The following MUC17 variants were observed in gnomAD, a reference collection of about 807,000 sequenced individuals.
MUC17 encodes mucin-17.
In MUC17, 190 loss-of-function variants were observed where a neutral mutation model predicts 170.3. That is an observed-to-expected ratio of 1.12 (90% CI 0.99 to 1.26). The LOEUF (loss-of-function observed/expected upper bound fraction) is 1.26. MUC17 is among the 50% of genes most tolerant of loss of function. The pLI, the probability that MUC17 is intolerant of heterozygous loss-of-function variation, is 0.00. For synonymous variants in MUC17, 2,325 were observed against 2,002.5 expected, an observed-to-expected ratio of 1.16 and a Z score of -4.30; for missense variants, 6,415 against 5,530.0, an observed-to-expected ratio of 1.16 and a Z score of -5.08.
chr7:101,026,914 C>G (rs1021205822), intron 1 of MUC17, among the ~76,000 whole-genome samples: 3 of 152,232 alleles, frequency 2.0e-5, no homozygotes, highest in Middle Eastern at 6.8e-3. Context: ...CGAGGTCTTG[C>G]TATGTTTCTG....
chr7:101,048,431 T>TA (rs113181867), intron 4 of MUC17, among the ~76,000 whole-genome samples: 272 of 143,904 alleles, frequency 1.9e-3, no homozygotes, highest in East Asian at 5.9e-3. Flanking sequence ...TTTATTTATT[T>TA]AAAAAAAAAA....
Position 101,040,011 on chromosome 7 carries a change from T to C in MUC17, c.8595T>C (p.Ser2865=). The stretch of plus-strand genomic sequence containing the variant: ...TCGTCGTGCCAATCTCAACTGCTAG[T>C]GAAGGAAGTACTCTATTAACAAGTA... ...EGIVVPISTA[S]EGSTLLTSIP... is the part of the protein sequence containing the mutation. Residue 2865 remains serine (S), a synonymous_variant, in exon 3 of 13, where the codon AGT becomes AGC. Transcript: ENST00000306151. 5 of 1,612,770 alleles carry C rather than the reference T, an allele frequency of 3.1e-6. No individual in the cohort carries two copies. Among genetic ancestry groups the C allele is most frequent in the Non-Finnish European group, 4.2e-6 (5 of 1,179,654 alleles).
At position 101,041,492 on chromosome 7, in the gene MUC17, C is replaced by A. The variant is rs781212954; in HGVS notation, c.10076C>A (p.Thr3359Asn). The A allele has an allele frequency of 8.1e-6, 13 of 1,613,588 alleles. No homozygotes were observed. Among genetic ancestry groups the A allele is most frequent in the African/African-American group, 1.3e-5 (1 of 74,766 alleles). The change falls in exon 3 of 13, where the codon ACC (threonine) becomes AAC (asparagine). Residue 3359 changes from threonine to asparagine, a missense_variant. Thr to Asn is a moderately conservative substitution (Grantham distance 65). Coordinates refer to ENST00000306151, the MANE Select transcript of MUC17 (RefSeq NM_001040105.2). The part of the protein sequence containing the change: ...TTPVVSSEAS[T>N]LSTTPVDTST... ...CCAGTGGTCAGTTCTGAGGCTAGCA[C>A]CCTTTCCACAACTCCTGTTGACACC...
At position 101,041,846 on chromosome 7, in the gene MUC17, C is replaced by A. The variant is rs747120717; in HGVS notation, c.10430C>A (p.Thr3477Asn). Reference sequence around the variant, plus strand: ...CCGGTGGCCAGTTCTGAGGCTAGCACCCTTTCAACAACTCCTGTTGACACC... The same window carrying A: ...CCGGTGGCCAGTTCTGAGGCTAGCAACCTTTCAACAACTCCTGTTGACACC... ...TTPVASSEASTLSTTPVDTST... is the reference protein window; with the variant it reads ...TTPVASSEASNLSTTPVDTST... The change falls in exon 3 of 13, where the codon ACC (threonine) becomes AAC (asparagine). Residue 3477 changes from threonine to asparagine, a missense_variant. Physicochemically the swap from Thr to Asn is moderately conservative, Grantham distance 65 (BLOSUM62 0). Transcript: ENST00000306151. 1 of 1,614,060 alleles carries A rather than the reference C, an allele frequency of 6.2e-7. No individual in the cohort carries two copies. The highest frequency in any genetic ancestry group is 8.5e-7 in the Non-Finnish European group (1 of 1,179,974).
intron 1 of MUC17, among the ~76,000 whole-genome samples, chr7:101,029,465 GTTGA>G (rs747193760): frequency 2.0e-5 from 3 of 152,032 alleles, no homozygotes; most frequent in African/African-American, 4.8e-5. Flanking sequence ...GTTTCCATAG[GTTGA>G]TTATTTTTCT....
chr7:101,035,458 C>T lies in MUC17; in HGVS notation c.4042C>T (p.Leu1348=). 1 of 1,602,084 alleles carries T rather than the reference C, an allele frequency of 6.2e-7. No individual in the cohort carries two copies. The highest frequency in any genetic ancestry group is 8.5e-7 in the Non-Finnish European group (1 of 1,172,342). ...AACAAGTATACCTGTCAACACCACA[C>T]TGGTGGCCAGTTCTGCAATCAGCAT... ...PLTSIPVNTT[L]VASSAISILS... is the part of the protein sequence containing the mutation. Residue 1348 remains leucine, a synonymous_variant, in exon 3 of 13, where the codon CTG becomes TTG. Transcript: ENST00000306151.
intron 9 of MUC17, 65 bp downstream of exon 9, chr7:101,052,027 C>A: frequency 6.5e-7 from 1 of 1,547,716 alleles, no homozygotes; most frequent in Non-Finnish European, 8.8e-7. Context: ...CCCTGCAGGG[C>A]TTCACCCCAG....
At position 101,035,492 on chromosome 7, in the gene MUC17, C is replaced by T. The variant is rs149773793; in HGVS notation, c.4076C>T (p.Thr1359Ile). ...VASSAISILS[T>I]TPVDNSTPVT... is the part of the protein sequence containing the mutation. ...AGTTCTGCAATCAGCATCCTTTCAACAACTCCTGTTGACAACAGCACACCT... is the reference window on the plus strand; with the variant it reads ...AGTTCTGCAATCAGCATCCTTTCAATAACTCCTGTTGACAACAGCACACCT... Residue 1359 changes from threonine to isoleucine, a missense_variant, in exon 3 of 13, where the codon ACA becomes ATA. By Grantham distance (89) the Thr-to-Ile change is moderately conservative. Coordinates refer to ENST00000306151, the MANE Select transcript of MUC17 (RefSeq NM_001040105.2). The T allele has an allele frequency of 1.7e-4, 275 of 1,602,534 alleles. No individual in the cohort carries two copies. Among genetic ancestry groups the T allele is most frequent in the South Asian group, 1.3e-3 (117 of 90,382 alleles).
At chr7:101,048,358 C>T (rs554029256) in intron 4 of MUC17, 101 of 286,918 alleles carry the variant, frequency 3.5e-4, no homozygotes, top group Non-Finnish European at 6.1e-4. Context: ...CTTTGGGAGC[C>T]TGAGGCAGGA....
intron 10 of MUC17, 72 bp from the exon 11 acceptor site, chr7:101,053,267 A>T: frequency 6.3e-7 from 1 of 1,584,558 alleles, no homozygotes; most frequent in South Asian, 1.1e-5. Context: ...AAAAATGGGG[A>T]TACAGCTTGT....
Position 101,038,864 on chromosome 7 carries a change from C to A in MUC17, c.7448C>A (p.Thr2483Asn), listed in dbSNP as rs771455936. 6.2e-7 allele frequency: 1 copy of A among 1,612,936 alleles called. No individual in the cohort carries two copies. Among genetic ancestry groups the A allele is most frequent in the Non-Finnish European group, 8.5e-7 (1 of 1,179,528 alleles). Residue 2483 changes from threonine (T) to asparagine (N), a missense_variant, in exon 3 of 13, where the codon ACC becomes AAC. Physicochemically the swap from Thr to Asn is moderately conservative, Grantham distance 65. Coordinates refer to ENST00000306151, the MANE Select transcript of MUC17 (RefSeq NM_001040105.2). ...AGTLSTTPVD[T>N]STPMTTSTEA... ...ACCCTTTCCACAACTCCTGTTGACACCAGCACACCTATGACCACTTCTACT... is the reference window on the plus strand; with the variant it reads ...ACCCTTTCCACAACTCCTGTTGACAACAGCACACCTATGACCACTTCTACT...
At chr7:101,046,853 G>A (rs970333455) in intron 3 of MUC17, among the ~76,000 whole-genome samples, 13 of 152,072 alleles carry the variant, frequency 8.5e-5, no homozygotes, top group African/African-American at 3.1e-4. Context: ...GCTGAGGTGG[G>A]TGGATCACAA....
rs767983502 is a variant in MUC17, at chr7:101,034,871, C to A, written c.3455C>A (p.Thr1152Asn). ...PTTAEGTSIP[T>N]SPPSEGTTPL... ...ACTGCTGAAGGTACCAGCATACCAACCTCACCTCCCAGTGAAGGAACCACT... is the reference window on the plus strand; with the variant it reads ...ACTGCTGAAGGTACCAGCATACCAAACTCACCTCCCAGTGAAGGAACCACT... The change falls in exon 3 of 13, where the codon ACC becomes AAC. Residue 1152 changes from threonine (T) to asparagine (N), a missense_variant. Physicochemically the swap from Thr to Asn is moderately conservative, Grantham distance 65. Coordinates refer to ENST00000306151, the MANE Select transcript of MUC17 (RefSeq NM_001040105.2). 3 of 1,613,204 alleles carry A rather than the reference C, an allele frequency of 1.9e-6. No homozygotes were observed. Among genetic ancestry groups the A allele is most frequent in the South Asian group, 2.2e-5 (2 of 91,000 alleles).
At chr7:101,026,359 A>G (rs1324959914) in intron 1 of MUC17, among the ~76,000 whole-genome samples, 1 of 152,200 alleles carries the variant, frequency 6.6e-6, no homozygotes, top group Non-Finnish European at 1.5e-5. Context: ...TATGGAATCC[A>G]TGAAGCCTCG....
Position 101,034,931 on chromosome 7 carries a change from T to C in MUC17, c.3515T>C (p.Val1172Ala), listed in dbSNP as rs2116420478. ...LASMPVSTTL[V>A]VSSEANTLST... Reference sequence around the variant, plus strand: ...AGTATGCCTGTCAGCACCACGCTGGTGGTCAGTTCTGAGGCTAACACCCTT... The same window carrying C: ...AGTATGCCTGTCAGCACCACGCTGGCGGTCAGTTCTGAGGCTAACACCCTT... Residue 1172 changes from valine (V) to alanine (A), a missense_variant, in exon 3 of 13, where the codon GTG becomes GCG. Physicochemically the swap from Val to Ala is moderately conservative, Grantham distance 64. Transcript: ENST00000306151. The C allele has an allele frequency of 3.1e-6, 5 of 1,614,128 alleles. No homozygotes were observed. Among genetic ancestry groups the C allele is most frequent in the East Asian group, 2.2e-5 (1 of 44,866 alleles).
chr7:101,055,379 G>A (rs1562825648), intron 11 of MUC17, among the ~76,000 whole-genome samples: 3 of 152,044 alleles, frequency 2.0e-5, no homozygotes, highest in Non-Finnish European at 4.4e-5. Flanking sequence ...CTGTTGTTTT[G>A]TGTATAGCTG....
chr7:101,032,666 C>T lies in MUC17; in HGVS notation c.1250C>T (p.Pro417Leu). 6.4e-7 allele frequency: 1 copy of T among 1,574,776 alleles called. No homozygotes were observed. The highest frequency in any genetic ancestry group is 8.7e-7 in the Non-Finnish European group (1 of 1,153,298). Residue 417 changes from proline (P) to leucine (L), a missense_variant, in exon 3 of 13, where the codon CCT becomes CTT. Physicochemically the swap from Pro to Leu is moderately conservative, Grantham distance 98 (BLOSUM62 -3). Coordinates refer to ENST00000306151, the MANE Select transcript of MUC17 (RefSeq NM_001040105.2). ...SSEASTTSTIPVDSKTFVTTA... is the reference protein window; with the variant it reads ...SSEASTTSTILVDSKTFVTTA... ...GAGGCTAGCACCACTTCAACAATTC[C>T]TGTTGACTCCAAAACTTTTGTGACC...
rs144607125 is a variant in MUC17 at position 101,038,210 on chromosome 7, A to C, written c.6794A>C (p.Glu2265Ala). The change falls in exon 3 of 13, where the codon GAA (glutamate) becomes GCA (alanine). Residue 2265 changes from glutamate (E) to alanine (A), a missense_variant. Coordinates refer to ENST00000306151, the MANE Select transcript of MUC17 (RefSeq NM_001040105.2). ...TEATSSPTTA[E>A]GTSIPTSTLS... The stretch of plus-strand genomic sequence containing the variant: ...GCCACTTCATCTCCTACAACTGCTG[A>C]AGGTACCAGCATACCAACTTCAACT... 2 of 1,613,962 alleles carry C rather than the reference A, an allele frequency of 1.2e-6. No individual in the cohort carries two copies. The highest frequency in any genetic ancestry group is 4.5e-5 in the East Asian group (2 of 44,824).
chr7:101,026,275 G>T (rs756888355), intron 1 of MUC17, among the ~76,000 whole-genome samples: 2 of 152,238 alleles, frequency 1.3e-5, no homozygotes, highest in African/African-American at 2.4e-5. Context: ...GGCAGGGACA[G>T]GGGTATGCTG....
Sources: gnomAD v4.1 joint callset for allele counts (sites outside exome capture counted in the v4.1 genomes callset) on GRCh38, gnomAD v4.1.1 for gene constraint, MANE v1.5 for transcripts, NCBI Gene and HGNC (gene_info 2026-07-23, HGNC 2026-07-21) for gene names.